SEC24A: variants seen among roughly 807,000 people sequenced by gnomAD.
SEC24A encodes SEC24 homolog A, COPII component.
Under a neutral mutation model 129.4 loss-of-function variants are expected in SEC24A, and 93 were observed. That is an observed-to-expected ratio of 0.72 (90% confidence interval 0.61 to 0.85). SEC24A has a LOEUF of 0.85. Ranked by LOEUF, SEC24A falls within the 40% of genes least tolerant of loss-of-function variation. The pLI is 0.00. For synonymous variants in SEC24A, 460 were observed against 467.3 expected (o/e 0.98, Z 0.20); for missense variants, 1,264 against 1,307.4 (o/e 0.97, Z 0.51).
In SEC24A at chr5:134,676,737, C is replaced by G. The variant is rs956465543; in HGVS notation, c.1254+612C>G. Reference sequence around the variant, plus strand: ...AGGCCTGAGCCACTACACCCGGCCTCTTTAGTGAAGGTAAATGTCTTTTGT... The same window carrying G: ...AGGCCTGAGCCACTACACCCGGCCTGTTTAGTGAAGGTAAATGTCTTTTGT... On this transcript the variant is annotated intron_variant, in intron 7 of 22. Transcript: ENST00000398844. 3.9e-5 allele frequency among the ~76,000 whole-genome samples: 6 copies of G among 152,024 alleles called. No homozygotes were observed. The South Asian group carries it at 1.2e-3, about 32-fold the overall frequency.
In SEC24A at chr5:134,666,868, T is replaced by C. The variant is rs369596798; in HGVS notation, c.611T>C (p.Phe204Ser). ...GTGAATCCACCTCTGCCTACAACTT[T>C]TCAACCAGGAGCTCCTCATGGGCCC... is the stretch of plus-strand genomic sequence containing the variant. The part of the protein sequence containing the change: ...PLVNPPLPTT[F>S]QPGAPHGPPP... Residue 204 changes from phenylalanine (F) to serine (S), a missense_variant, in exon 3 of 23, where the codon TTT becomes TCT. Physicochemically the swap from Phe to Ser is radical, Grantham distance 155 (BLOSUM62 -2). Coordinates refer to ENST00000398844, the MANE Select transcript of SEC24A (RefSeq NM_021982.3). 3 of 1,614,036 alleles carry C rather than the reference T, an allele frequency of 1.9e-6. No individual in the cohort carries two copies.
intron 9 of SEC24A, among the ~76,000 whole-genome samples, chr5:134,682,806 A>T (rs962740140): frequency 8.5e-5 from 13 of 152,192 alleles, no homozygotes; most frequent in Admixed American, 3.3e-4. Flanking sequence ...GGCTCGAGTG[A>T]TCTGCCCACC....
chr5:134,656,440 T>C (rs987779156), intron 1 of SEC24A, among the ~76,000 whole-genome samples: 2 of 151,982 alleles, frequency 1.3e-5, no homozygotes, highest in Non-Finnish European at 2.9e-5. Context: ...TGAAAATTAG[T>C]GTGTTTAAAA....
chr5:134,706,590 C>T (rs1421023083), intron 17 of SEC24A, among the ~76,000 whole-genome samples: 6 of 152,184 alleles, frequency 3.9e-5, no homozygotes, highest in Non-Finnish European at 7.3e-5. Context: ...GCCTTTACCT[C>T]CTGGGCTCAA....
chr5:134,725,077 C>CA lies in SEC24A; in HGVS notation c.3267dup (p.Gln1090ThrfsTer4), dbSNP rs1752728527. On this transcript the variant is annotated frameshift_variant, in exon 23 of 23. Transcript: ENST00000398844. LOFTEE classifies it high-confidence loss of function. ...TTATGAATTCCTGTTGCATATACAG[C>CA]AACAAGTGAATAAATGAATGAATGA... 1 of 1,506,736 alleles carries CA rather than the reference C, an allele frequency of 6.6e-7. No homozygotes were observed. The allele number at this position is 1,506,736 out of a possible 1,614,324, so 93.3% of individuals were successfully genotyped here. A position where few individuals can be genotyped will look rare whatever the true frequency, so the allele number is the denominator to read the frequency against.
intron 10 of SEC24A, among the ~76,000 whole-genome samples, chr5:134,687,897 A>G (rs541982948): frequency 6.6e-6 from 1 of 152,162 alleles, no homozygotes; most frequent in Non-Finnish European, 1.5e-5. Flanking sequence ...TATTTTTAAC[A>G]TACTGTTTCC....
intron 7 of SEC24A, 23 bp downstream of exon 7, chr5:134,676,148 T>C: frequency 6.4e-7 from 1 of 1,560,444 alleles, no homozygotes; most frequent in East Asian, 2.3e-5. Flanking sequence ...TCTTTTCTTT[T>C]TTTTTTTTTG....
chr5:134,697,757 C>G, intron 14 of SEC24A, 142 bp from the exon 15 acceptor site: 1 of 893,330 alleles, frequency 1.1e-6, no homozygotes, highest in Non-Finnish European at 1.7e-6. Flanking sequence ...GACTCTGTCT[C>G]AAAAAAAGGG....
chr5:134,706,524 G>T (rs1308539421), intron 17 of SEC24A, among the ~76,000 whole-genome samples: 1 of 152,136 alleles, frequency 6.6e-6, no homozygotes, highest in African/African-American at 2.4e-5. Flanking sequence ...TTTGAAAACA[G>T]TGTCTTGCTC....
At chr5:134,671,263 T>C (rs866547597) in intron 3 of SEC24A, among the ~76,000 whole-genome samples, 2 of 152,134 alleles carry the variant, frequency 1.3e-5, no homozygotes, top group African/African-American at 4.8e-5. Context: ...GGTTTCCCCA[T>C]GTTGGCCAGG....
rs10078518 is a variant in SEC24A, at chr5:134,678,922, C to T, written c.1255-680C>T. 1.5e-3 allele frequency among the ~76,000 whole-genome samples: 232 copies of T among 151,830 alleles called. 1 individual carries two copies. Among genetic ancestry groups the T allele is most frequent in the African/African-American group, 5.2e-3 (214 of 41,410 alleles). ...TAGAGACAGGGTCTTACTTTCTTGC[C>T]CAGGTTGGTCTCAAACTCCTGGCCT... On this transcript the variant is annotated intron_variant, in intron 7 of 22. Coordinates refer to ENST00000398844, the MANE Select transcript of SEC24A (RefSeq NM_021982.3).
rs1750999687 is a variant in SEC24A at position 134,674,774 on chromosome 5, A to C, written c.977A>C (p.Gln326Pro). 3.1e-6 allele frequency: 5 copies of C among 1,609,792 alleles called. No homozygotes were observed. The highest frequency in any genetic ancestry group is 4.2e-6 in the Non-Finnish European group (5 of 1,178,408). ...NYPSGPQAFT[Q>P]TPLGANHLTT... is the part of the protein sequence containing the mutation. ...CCAAGTGGGCCACAAGCCTTTACTC[A>C]GGTAAACTTTTTGGGATTTTCTTTA... is the stretch of plus-strand genomic sequence containing the variant. Residue 326 changes from glutamine to proline, a missense_variant and splice_region_variant, in exon 5 of 23, where the codon CAG becomes CCG. Coordinates refer to ENST00000398844, the MANE Select transcript of SEC24A (RefSeq NM_021982.3).
intron 1 of SEC24A, among the ~76,000 whole-genome samples, chr5:134,660,445 A>G (rs1409161696): frequency 6.6e-6 from 1 of 152,124 alleles, no homozygotes; most frequent in African/African-American, 2.4e-5. Context: ...TTGTGGCAAC[A>G]TTGGGCTGTG....
chr5:134,700,835 C>T (rs1751984280), intron 15 of SEC24A, among the ~76,000 whole-genome samples: 1 of 152,042 alleles, frequency 6.6e-6, no homozygotes, highest in South Asian at 2.1e-4. Context: ...TCTCCTGCCT[C>T]ACCCTCCCAA....
chr5:134,663,143 G>A (rs945009579), intron 2 of SEC24A, among the ~76,000 whole-genome samples: 5 of 152,076 alleles, frequency 3.3e-5, no homozygotes, highest in African/African-American at 1.2e-4. Context: ...GGAGTGCAGT[G>A]GTGCAATCCT....
chr5:134,664,850 G>A (rs573731029), intron 2 of SEC24A, among the ~76,000 whole-genome samples: 3 of 128,236 alleles, frequency 2.3e-5, no homozygotes, highest in African/African-American at 8.6e-5. Context: ...CCAGGCTAGA[G>A]TGCAGTGGCG....
chr5:134,705,921 C>T (rs957922106), intron 17 of SEC24A, among the ~76,000 whole-genome samples: 2 of 145,886 alleles, frequency 1.4e-5, no homozygotes, highest in Non-Finnish European at 3.0e-5. Flanking sequence ...GAGTCTCGCT[C>T]TTATTGCCCA....
At chr5:134,724,294 T>C (rs541924735) in intron 22 of SEC24A, among the ~76,000 whole-genome samples, 1 of 152,324 alleles carries the variant, frequency 6.6e-6, no homozygotes, top group African/African-American at 2.4e-5. Flanking sequence ...TCCTGTTTTT[T>C]AAAGGCTGAA....
In SEC24A at chr5:134,692,627, C is replaced by T. The variant is rs1561820456; in HGVS notation, c.1749C>T (p.Asn583=). Reference sequence around the variant, plus strand: ...ATGTTTTTATACCTATGCCAGAGAACTTATTAGTAAACTTAAATGAAAGTA... The same window carrying T: ...ATGTTTTTATACCTATGCCAGAGAATTTATTAGTAAACTTAAATGAAAGTA... The part of the protein sequence containing the change: ...IEDVFIPMPE[N]LLVNLNESKE... Residue 583 remains asparagine (N), a synonymous_variant, in exon 12 of 23, where the codon AAC becomes AAT. Transcript: ENST00000398844. The T allele has an allele frequency of 1.4e-6, 2 of 1,415,142 alleles. No individual in the cohort carries two copies. Among genetic ancestry groups the T allele is most frequent in the Admixed American group, 1.8e-5 (1 of 56,660 alleles). The allele number at this position is 1,415,142 out of a possible 1,614,324, so 87.7% of individuals were successfully genotyped here.
Sources: allele counts gnomAD v4.1 joint callset (sites outside exome capture counted in the v4.1 genomes callset), GRCh38; gene constraint gnomAD v4.1.1; transcripts MANE v1.5; gene names NCBI Gene and HGNC (gene_info 2026-07-23, HGNC 2026-07-21).